The following CCM2L variants were observed in gnomAD, a reference collection of about 807,000 sequenced individuals.
CCM2L encodes the protein cerebral cavernous malformations 2 protein-like.
Under a neutral mutation model 54.1 loss-of-function variants are expected in CCM2L, and 36 were observed. The observed-to-expected ratio is 0.67, with a 90% CI of 0.51 to 0.88. The LOEUF (loss-of-function observed/expected upper bound fraction) is 0.88. Among genes scored for constraint, CCM2L ranks in the 40% least tolerant of loss-of-function variants. The probability of loss-of-function intolerance (pLI) is 0.00; values close to 1 mark genes in which losing one functional copy is unlikely to be tolerated. For synonymous variants in CCM2L, 351 were observed against 359.3 expected (o/e 0.98, Z 0.26); for missense variants, 700 against 812.1 (o/e 0.86, Z 1.68).
At chr20:32,016,467 T>A (rs1331479281) in intron 2 of CCM2L, among the ~76,000 whole-genome samples, 1 of 151,752 alleles carries the variant, frequency 6.6e-6, no homozygotes, top group Non-Finnish European at 1.5e-5. Context: ...CATCTTTTAG[T>A]AGAGATGGTG....
rs368419861 is a variant in CCM2L, at chr20:32,030,309, T to G, written c.1402+471T>G. On this transcript the variant is annotated intron_variant, in intron 9 of 9. Transcript: ENST00000452892. ...TAGATACTATTAATGGTCCCCATTT[T>G]GCAGGTGAGGAAACTGAGACTCAGA... Among the ~76,000 whole-genome samples, 4 of 152,322 alleles carry G rather than the reference T, an allele frequency of 2.6e-5. No individual in the cohort carries two copies. The East Asian group carries it at 5.8e-4, about 22-fold the overall frequency.
chr20:32,018,820 G>T (rs1334276699), intron 4 of CCM2L, 123 bp from the exon 5 acceptor site: 2 of 1,152,358 alleles, frequency 1.7e-6, no homozygotes, highest in Non-Finnish European at 2.2e-6. Flanking sequence ...CTACTTTAAA[G>T]CCGGGGGCGA....
chr20:32,027,343 T>G (rs1333380890), intron 7 of CCM2L, among the ~76,000 whole-genome samples: 1 of 152,276 alleles, frequency 6.6e-6, no homozygotes, highest in African/African-American at 2.4e-5. Flanking sequence ...CAACCAGATA[T>G]CTACTGAAGA....
rs562122078 is a variant in CCM2L, at chr20:32,022,972, C to T, written c.1069+177C>T. 8.6e-4 allele frequency among the ~76,000 whole-genome samples: 130 copies of T among 151,836 alleles called. 1 individual carries two copies. The highest frequency in any genetic ancestry group is 1.6e-4 in the Non-Finnish European group (11 of 67,902). ...TCAATTTTCTTTTTCTTTTTCTTTT[C>T]TTTTTTCTTTTTTGAGACAGAGTCT... is the stretch of plus-strand genomic sequence containing the variant. On this transcript the variant is annotated intron_variant, in intron 6 of 9. Coordinates refer to ENST00000452892, the MANE Select transcript of CCM2L (RefSeq NM_001365692.1).
chr20:32,012,320 G>A (rs2064702015), intron 1 of CCM2L, among the ~76,000 whole-genome samples: 1 of 152,068 alleles, frequency 6.6e-6, no homozygotes, highest in African/African-American at 2.4e-5. Context: ...CACTTTGGGA[G>A]GCTGAGGCAG....
At position 32,018,893 on chromosome 20, in the gene CCM2L, G is replaced by T. The variant is rs1032893948; in HGVS notation, c.467-50G>T. On this transcript the variant is annotated intron_variant, in intron 4 of 9. Transcript: ENST00000452892. ...CCAGCCGGCCTCGGCGGGGCGGGGG[G>T]GTCTCTGAGTCCCGATCCCCGCGGC... 6.4e-6 allele frequency: 8 copies of T among 1,251,496 alleles called. No homozygotes were observed. In the Admixed American group the frequency reaches 1.3e-4, roughly 20 times the overall value. The allele number at this position is 1,251,496 out of a possible 1,614,324, so 77.5% of individuals were successfully genotyped here.
At position 32,014,986 on chromosome 20, in the gene CCM2L, C is replaced by T; in HGVS notation, c.113C>T (p.Pro38Leu). 1.3e-6 allele frequency: 2 copies of T among 1,586,080 alleles called. No homozygotes were observed. The highest frequency in any genetic ancestry group is 8.6e-7 in the Non-Finnish European group (1 of 1,168,080). The change falls in exon 2 of 10, where the codon CCC becomes CTC. Residue 38 changes from proline (P) to leucine (L), a missense_variant. Physicochemically the swap from Pro to Leu is moderately conservative, Grantham distance 98. Coordinates refer to ENST00000452892, the MANE Select transcript of CCM2L (RefSeq NM_001365692.1). ...AACRSSVSRR[P>L]LHSMPLYPPD... ...TGTAGGAGCAGCGTGAGCCGCCGGCCCCTGCACTCGATGCCCCTTTATCCC... is the reference window on the plus strand; with the variant it reads ...TGTAGGAGCAGCGTGAGCCGCCGGCTCCTGCACTCGATGCCCCTTTATCCC...
In CCM2L at chr20:32,022,682, C is replaced by T. The variant is rs1166479816; in HGVS notation, c.956C>T (p.Ala319Val). 2 of 1,614,198 alleles carry T rather than the reference C, an allele frequency of 1.2e-6. No homozygotes were observed. Among genetic ancestry groups the T allele is most frequent in the Non-Finnish European group, 1.7e-6 (2 of 1,180,020 alleles). The change falls in exon 6 of 10, where the codon GCA becomes GTA. Residue 319 changes from alanine to valine, a missense_variant. Ala to Val is a moderately conservative substitution (Grantham distance 64). Transcript: ENST00000452892. ...ANRDAAEESC[A>V]LICQVFQIIY... ...CAGGACGCTGCAGAGGAGTCCTGCG[C>T]ACTCATCTGTCAGGTCTTCCAGATC...
intron 2 of CCM2L, among the ~76,000 whole-genome samples, chr20:32,016,583 G>C (rs935401309): frequency 1.3e-5 from 2 of 152,038 alleles, no homozygotes; most frequent in Admixed American, 1.3e-4. Context: ...TTGAACCTGG[G>C]AGGCAGAGGC....
In CCM2L at chr20:32,019,256, G is replaced by T. The variant is rs538538318; in HGVS notation, c.780G>T (p.Ala260=). 1 of 1,205,836 alleles carries T rather than the reference G, an allele frequency of 8.3e-7. No homozygotes were observed. The highest frequency in any genetic ancestry group is 1.0e-6 in the Non-Finnish European group (1 of 966,136). 74.7% of individuals were successfully genotyped at this position (1,205,836 alleles called of 1,614,324 possible). A position where few individuals can be genotyped will look rare whatever the true frequency, so the allele number is the denominator to read the frequency against. Residue 260 remains alanine, a synonymous_variant, in exon 5 of 10, where the codon GCG becomes GCT. Transcript: ENST00000452892. Reference sequence around the variant, plus strand: ...GAGGCGGCGGCGGCGGCGGCGGCGCGGGAAAGCCGGGCGGTAGCTGGGAGC... The same window carrying T: ...GAGGCGGCGGCGGCGGCGGCGGCGCTGGAAAGCCGGGCGGTAGCTGGGAGC... ...RHGGGGGGGG[A]GKPGGSWERR... is the part of the protein sequence containing the mutation.
chr20:32,029,315 T>C (rs749234467), intron 8 of CCM2L, 191 bp downstream of exon 8: 22 of 713,738 alleles, frequency 3.1e-5, no homozygotes, highest in Non-Finnish European at 4.6e-5. Context: ...CTGGCATTAA[T>C]TGAGTGCCTG....
chr20:32,022,874 G>A lies in CCM2L; in HGVS notation c.1069+79G>A. 5 of 1,529,746 alleles carry A rather than the reference G, an allele frequency of 3.3e-6. No individual in the cohort carries two copies. In the South Asian group the frequency reaches 6.0e-5, roughly 18 times the overall value. 94.8% of individuals were successfully genotyped at this position (1,529,746 alleles called of 1,614,324 possible). On this transcript the variant is annotated intron_variant, in intron 6 of 9. Coordinates refer to ENST00000452892, the MANE Select transcript of CCM2L (RefSeq NM_001365692.1). ...GGGGAGGGAAGATGTCCCAGGACTTGGGCTGATGAAGGTATTTAGGGCTCC... is the reference window on the plus strand; with the variant it reads ...GGGGAGGGAAGATGTCCCAGGACTTAGGCTGATGAAGGTATTTAGGGCTCC...
chr20:32,017,854 G>C lies in CCM2L; in HGVS notation c.253G>C (p.Glu85Gln), dbSNP rs143281413. The C allele has an allele frequency of 1.5e-4, 244 of 1,613,886 alleles. No individual in the cohort carries two copies. The highest frequency in any genetic ancestry group is 3.3e-4 in the Middle Eastern group (2 of 6,084). The change falls in exon 3 of 10, where the codon GAG becomes CAG. Residue 85 changes from glutamate to glutamine, a missense_variant. Transcript: ENST00000452892. ...CTCACTGAACCCCTCCAGTCGGGACGAGCTCCTGCAGCTGCTAGACACCGC... is the reference window on the plus strand; with the variant it reads ...CTCACTGAACCCCTCCAGTCGGGACCAGCTCCTGCAGCTGCTAGACACCGC... ...TSSLNPSSRD[E>Q]LLQLLDTARQ...
intron 2 of CCM2L, among the ~76,000 whole-genome samples, chr20:32,015,961 A>G (rs773080455): frequency 2.0e-5 from 3 of 150,234 alleles, no homozygotes; most frequent in South Asian, 2.1e-4. Flanking sequence ...GGCTCAAACA[A>G]TTCTCCTGCC....
chr20:32,013,624 A>C (rs1431853081), intron 1 of CCM2L, among the ~76,000 whole-genome samples: 1 of 150,644 alleles, frequency 6.6e-6, no homozygotes, highest in South Asian at 2.1e-4. Flanking sequence ...TTTTTTTGGC[A>C]TATTTTTTGT....
chr20:32,030,953 G>A (rs1173177147), intron 9 of CCM2L, 48 bp from the exon 10 acceptor site: 1 of 1,290,706 alleles, frequency 7.7e-7, no homozygotes, highest in Admixed American at 2.5e-5. Context: ...CCCTGTGGAA[G>A]GGAAAGGGAA....
At position 32,010,569 on chromosome 20, in the gene CCM2L, G is replaced by A. The variant is rs117798563; in HGVS notation, c.30+85G>A. The A allele has an allele frequency of 0.019, 19,767 of 1,022,472 alleles. 526 individuals are homozygous for A. The highest frequency in any genetic ancestry group is 0.04 in the South Asian group (2,885 of 71,616). The allele number at this position is 1,022,472 out of a possible 1,614,324, so 63.3% of individuals were successfully genotyped here. ...GCAAACTGGGGCGGGGTGGGGGGTC[G>A]GTAGCGAGGGGCATAAGTGGAGCCT... is the stretch of plus-strand genomic sequence containing the variant. On this transcript the variant is annotated intron_variant, in intron 1 of 9. Transcript: ENST00000452892.
chr20:32,027,737 CAAG>C (rs1347666099), intron 7 of CCM2L: 3 of 152,088 alleles, frequency 2.0e-5, no homozygotes, highest in Non-Finnish European at 2.9e-5. Flanking sequence ...AATTTAGAGA[CAAG>C]GAGGCAGGAG....
At chr20:32,014,447 G>A (rs977273019) in intron 1 of CCM2L, among the ~76,000 whole-genome samples, 2 of 151,914 alleles carry the variant, frequency 1.3e-5, no homozygotes, top group Admixed American at 6.6e-5. Flanking sequence ...TGTAATTTTA[G>A]TAGAGTCAGG....
Sources: allele counts gnomAD v4.1 joint callset (sites outside exome capture counted in the v4.1 genomes callset), GRCh38; gene constraint gnomAD v4.1.1; transcripts MANE v1.5; gene names NCBI Gene and HGNC (gene_info 2026-07-23, HGNC 2026-07-21).